The following NRG3 variants were observed in gnomAD, a reference collection of about 807,000 sequenced individuals.
NRG3 encodes pro-neuregulin-3, membrane-bound isoform.
In NRG3, 31 loss-of-function variants were observed where a neutral mutation model predicts 66.9. That is an observed-to-expected ratio of 0.46 (90% CI 0.35 to 0.63). The LOEUF (loss-of-function observed/expected upper bound fraction) is 0.63. Ranked by LOEUF, NRG3 falls within the 20% of genes least tolerant of loss-of-function variation. The probability of loss-of-function intolerance (pLI) is 0.00; values close to 1 mark genes in which losing one functional copy is unlikely to be tolerated. For synonymous variants in NRG3, 393 were observed against 359.4 expected (o/e 1.09, Z -1.06); for missense variants, 910 against 878.9 (o/e 1.04, Z -0.45).
intron 4 of NRG3, among the ~76,000 whole-genome samples, chr10:82,926,420 G>A (rs1847005692): frequency 6.6e-6 from 1 of 152,158 alleles, no homozygotes. Flanking sequence ...TAGCTTTATA[G>A]CTGAGGACTA....
chr10:82,286,246 G>A (rs945865439), intron 1 of NRG3, among the ~76,000 whole-genome samples: 8 of 152,160 alleles, frequency 5.3e-5, no homozygotes, highest in Non-Finnish European at 1.2e-4. Context: ...TGAGTTTGGG[G>A]TAAGTTTTAA....
intron 1 of NRG3, among the ~76,000 whole-genome samples, chr10:82,164,435 T>C (rs2071871849): frequency 6.6e-6 from 1 of 152,174 alleles, no homozygotes; most frequent in African/African-American, 2.4e-5. Context: ...CTTATTCTGC[T>C]ATGTAACATT....
At chr10:82,260,003 T>C (rs2077940110) in intron 1 of NRG3, among the ~76,000 whole-genome samples, 1 of 152,214 alleles carries the variant, frequency 6.6e-6, no homozygotes, top group Non-Finnish European at 1.5e-5. Flanking sequence ...TTATTCAGGC[T>C]GCAGCCAAGT....
At chr10:81,981,586 A>C (rs904474928) in intron 1 of NRG3, among the ~76,000 whole-genome samples, 4 of 152,164 alleles carry the variant, frequency 2.6e-5, no homozygotes, top group African/African-American at 7.2e-5. Context: ...AGCCTGGTCC[A>C]CTGAAGCTAA....
intron 3 of NRG3, among the ~76,000 whole-genome samples, chr10:82,843,909 A>G (rs1044188396): frequency 6.6e-6 from 1 of 152,230 alleles, no homozygotes; most frequent in African/African-American, 2.4e-5. Context: ...ATATAAACCT[A>G]TCTACATAGC....
chr10:82,735,613 T>C lies in NRG3; in HGVS notation c.954-2964T>C, dbSNP rs368364254. On this transcript the variant is annotated intron_variant, in intron 2 of 8. Transcript: ENST00000372141. Reference sequence around the variant, plus strand: ...TAAGTTCGTGTCCTTTGCAGGGACATGGATGAAGCTAGAATCCATCATTCT... The same window carrying C: ...TAAGTTCGTGTCCTTTGCAGGGACACGGATGAAGCTAGAATCCATCATTCT... Among the ~76,000 whole-genome samples the C allele has an allele frequency of 1.4e-4, 21 of 152,196 alleles. No homozygotes were observed. In the East Asian group the frequency reaches 2.7e-3, roughly 20 times the overall value.
At chr10:82,754,843 T>G (rs2059015856) in intron 3 of NRG3, among the ~76,000 whole-genome samples, 1 of 152,108 alleles carries the variant, frequency 6.6e-6, no homozygotes, top group South Asian at 2.1e-4. Context: ...TGGTGTGTAA[T>G]ATCATGGTAC....
chr10:82,380,332 A>G (rs1233295540), intron 2 of NRG3, among the ~76,000 whole-genome samples: 1 of 152,144 alleles, frequency 6.6e-6, no homozygotes, highest in African/African-American at 2.4e-5. Flanking sequence ...AGTTATTGGA[A>G]CTTATTCACA....
chr10:82,849,754 T>A (rs776950243), intron 3 of NRG3, among the ~76,000 whole-genome samples: 1 of 152,086 alleles, frequency 6.6e-6, no homozygotes, highest in African/African-American at 2.4e-5. Context: ...GAGGTTAATG[T>A]GGCTGAATTG....
At chr10:82,209,717 T>C (rs2075304384) in intron 1 of NRG3, among the ~76,000 whole-genome samples, 1 of 152,184 alleles carries the variant, frequency 6.6e-6, no homozygotes, top group Non-Finnish European at 1.5e-5. Context: ...CTTAGGAATG[T>C]ACTTTTCTTT....
intron 2 of NRG3, among the ~76,000 whole-genome samples, chr10:82,735,762 G>A (rs1343675416): frequency 6.6e-6 from 1 of 152,092 alleles, no homozygotes; most frequent in Non-Finnish European, 1.5e-5. Flanking sequence ...TCAGGGGGTG[G>A]GTGGCTAGGG....
At chr10:81,963,033 C>G (rs949936559) in intron 1 of NRG3, among the ~76,000 whole-genome samples, 6 of 150,544 alleles carry the variant, frequency 4.0e-5, no homozygotes, top group African/African-American at 1.5e-4. Flanking sequence ...TTCTGTCTCT[C>G]GTTGGGTGAG....
intron 4 of NRG3, among the ~76,000 whole-genome samples, chr10:82,869,202 CT>C: frequency 6.6e-6 from 1 of 152,212 alleles, no homozygotes; most frequent in East Asian, 1.9e-4. Context: ...GTGTCAATTT[CT>C]TTAATAGACT....
At chr10:82,796,162 G>T (rs2060793072) in intron 3 of NRG3, among the ~76,000 whole-genome samples, 1 of 152,160 alleles carries the variant, frequency 6.6e-6, no homozygotes, top group African/African-American at 2.4e-5. Context: ...TTAGGCTCAT[G>T]TGAGATCATG....
chr10:82,537,799 G>A (rs1000466074), intron 2 of NRG3, among the ~76,000 whole-genome samples: 2 of 152,054 alleles, frequency 1.3e-5, no homozygotes, highest in African/African-American at 4.8e-5. Context: ...CTTGACCTCA[G>A]TTTCTGGTTC....
At chr10:82,275,286 T>G (rs1371145887) in intron 1 of NRG3, among the ~76,000 whole-genome samples, 1 of 151,990 alleles carries the variant, frequency 6.6e-6, no homozygotes, top group Non-Finnish European at 1.5e-5. Flanking sequence ...CTTTCCTGAG[T>G]TGCCAAGAGC....
intron 1 of NRG3, among the ~76,000 whole-genome samples, chr10:82,285,345 A>T (rs1433601893): frequency 6.6e-6 from 1 of 152,192 alleles, no homozygotes; most frequent in Admixed American, 6.5e-5. Flanking sequence ...GGGCATTTTC[A>T]TTCCTGGATC....
At chr10:82,828,839 C>G (rs1418535538) in intron 3 of NRG3, among the ~76,000 whole-genome samples, 1 of 152,124 alleles carries the variant, frequency 6.6e-6, no homozygotes, top group Non-Finnish European at 1.5e-5. Context: ...CTTCTTCCGC[C>G]TTCCCTTAGA....
chr10:82,912,809 G>A (rs1845450498), intron 4 of NRG3, among the ~76,000 whole-genome samples: 2 of 152,056 alleles, frequency 1.3e-5, no homozygotes, highest in East Asian at 1.9e-4. Context: ...TTCTCTGTTA[G>A]CATATCAATT....
Sources: gnomAD v4.1 joint callset for allele counts (sites outside exome capture counted in the v4.1 genomes callset) on GRCh38, gnomAD v4.1.1 for gene constraint, MANE v1.5 for transcripts, NCBI Gene and HGNC (gene_info 2026-07-23, HGNC 2026-07-21) for gene names.